UBR3: variants seen among roughly 807,000 people sequenced by gnomAD.
The protein encoded by UBR3 is E3 ubiquitin-protein ligase UBR3.
In UBR3, 85 loss-of-function variants were observed where a neutral mutation model predicts 243.2. The ratio of observed to expected loss-of-function variants is 0.35; its 90% CI spans 0.29 to 0.42. The LOEUF is 0.42. UBR3 is among the 10% of genes least tolerant of loss of function. UBR3 has a pLI of 1.00. For synonymous variants in UBR3, 748 were observed against 799.8 expected, an observed-to-expected ratio of 0.94 and a Z score of 1.09; for missense variants, 1,686 against 2,300.8, an observed-to-expected ratio of 0.73 and a Z score of 5.47.
At chr2:170,022,501 G>A (rs988822634) in intron 30 of UBR3, among the ~76,000 whole-genome samples, 2 of 152,120 alleles carry the variant, frequency 1.3e-5, no homozygotes, top group African/African-American at 4.8e-5. Flanking sequence ...GTGCTGGAAG[G>A]AACACCGGGT....
intron 36 of UBR3, chr2:170,077,590 G>T (rs778505110): frequency 2.7e-5 from 14 of 522,764 alleles, no homozygotes; most frequent in Non-Finnish European, 4.4e-5. Context: ...TCTCTTTCCT[G>T]TTGGAATAAC....
intron 24 of UBR3, among the ~76,000 whole-genome samples, chr2:169,979,649 G>A (rs901814811): frequency 3.3e-5 from 5 of 152,180 alleles, no homozygotes; most frequent in African/African-American, 7.2e-5. Flanking sequence ...TAGCCAATCT[G>A]AAAATATTAC....
intron 9 of UBR3, among the ~76,000 whole-genome samples, chr2:169,905,740 G>A (rs549413410): frequency 6.6e-5 from 10 of 152,248 alleles, no homozygotes; most frequent in Middle Eastern, 3.4e-3. Context: ...TTCGTAACAC[G>A]TAAAGCTTTC....
intron 1 of UBR3, among the ~76,000 whole-genome samples, chr2:169,833,095 A>G (rs1251268894): frequency 6.6e-6 from 1 of 152,198 alleles, no homozygotes; most frequent in Non-Finnish European, 1.5e-5. Context: ...AATGCTGCTT[A>G]TATGAAAAGT....
At position 169,925,765 on chromosome 2, in the gene UBR3, T is replaced by G. The variant is rs2085886777; in HGVS notation, c.2151+18T>G. ...TGTTACAGGTAAGCCAGCTAGATAATGCAGATATACTTTAGAAGTGTCTCA... is the reference window on the plus strand; with the variant it reads ...TGTTACAGGTAAGCCAGCTAGATAAGGCAGATATACTTTAGAAGTGTCTCA... On this transcript the variant is annotated intron_variant, in intron 14 of 38. Transcript: ENST00000272793. The G allele has an allele frequency of 1.3e-6, 2 of 1,538,554 alleles. No individual in the cohort carries two copies. Among genetic ancestry groups the G allele is most frequent in the Admixed American group, 2.1e-5 (1 of 48,494 alleles).
chr2:169,921,248 T>A (rs1357300505), intron 11 of UBR3, among the ~76,000 whole-genome samples: 5 of 152,140 alleles, frequency 3.3e-5, no homozygotes, highest in Non-Finnish European at 7.4e-5. Context: ...GTATTGCTGT[T>A]CAGTAGACAC....
chr2:169,984,055 T>C (rs1420223033), intron 24 of UBR3, among the ~76,000 whole-genome samples: 1 of 152,206 alleles, frequency 6.6e-6, no homozygotes, highest in East Asian at 1.9e-4. Context: ...CATCTTTTAT[T>C]CATTTAATTT....
At chr2:169,957,595 G>A (rs975785141) in intron 23 of UBR3, among the ~76,000 whole-genome samples, 1 of 150,946 alleles carries the variant, frequency 6.6e-6, no homozygotes, top group Non-Finnish European at 1.5e-5. Flanking sequence ...AAAGCATTAG[G>A]AGATATACCT....
chr2:169,888,178 G>A lies in UBR3; in HGVS notation c.1039-2987G>A, dbSNP rs537289576. Among the ~76,000 whole-genome samples the A allele has an allele frequency of 5.5e-5, 8 of 146,104 alleles. 1 individual carries two copies. The highest frequency in any genetic ancestry group is 9.0e-5 in the Non-Finnish European group (6 of 66,774). On this transcript the variant is annotated intron_variant, in intron 5 of 38. Coordinates refer to ENST00000272793, the MANE Select transcript of UBR3 (RefSeq NM_172070.4). ...ATTTTTGAGATGGAGTCTCTTTGTC[G>A]CCCAGGCTGGAGTGCAGTGGCACGA... is the stretch of plus-strand genomic sequence containing the variant.
chr2:169,827,596 C>T lies in UBR3; in HGVS notation c.89C>T (p.Ala30Val). 1 of 1,254,560 alleles carries T rather than the reference C, an allele frequency of 8.0e-7. No homozygotes were observed. The highest frequency in any genetic ancestry group is 3.3e-5 in the South Asian group (1 of 30,748). 77.7% of individuals were successfully genotyped at this position (1,254,560 alleles called of 1,614,324 possible). Residue 30 changes from alanine to valine, a missense_variant, in exon 1 of 39, where the codon GCC becomes GTC. By Grantham distance (64) the Ala-to-Val change is moderately conservative (BLOSUM62 0). Around this residue, in one of 8 missense-constraint regions of UBR3, gnomAD observed 79 missense variants for 73.2 expected, o/e 1.08. Coordinates refer to ENST00000272793, the MANE Select transcript of UBR3 (RefSeq NM_172070.4). ...PAPGLALDKA[A>V]TAAHLKAALS... Reference sequence around the variant, plus strand: ...CCGGGGCTGGCCCTAGACAAGGCGGCCACCGCCGCGCACCTCAAGGCGGCC... The same window carrying T: ...CCGGGGCTGGCCCTAGACAAGGCGGTCACCGCCGCGCACCTCAAGGCGGCC...
intron 35 of UBR3, among the ~76,000 whole-genome samples, chr2:170,069,021 A>C (rs1416518217): frequency 6.6e-6 from 1 of 152,208 alleles, no homozygotes; most frequent in African/African-American, 2.4e-5. Context: ...TATACCAACA[A>C]AGATAACATT....
rs2091923446 is a variant in UBR3 at position 170,082,546 on chromosome 2, G to A, written c.*703G>A. 1 of 140,322 alleles carries A rather than the reference G, an allele frequency of 7.1e-6. No individual in the cohort carries two copies. Among genetic ancestry groups the A allele is most frequent in the Non-Finnish European group, 1.5e-5 (1 of 65,252 alleles). 8.7% of individuals were successfully genotyped at this position (140,322 alleles called of 1,614,324 possible). A position where few individuals can be genotyped will look rare whatever the true frequency, so the allele number is the denominator to read the frequency against. The stretch of plus-strand genomic sequence containing the variant: ...ACAGTACATTTTGGGGGGCATATGT[G>A]TGGTTGGGGGGTCCTTAAAAATCAA... On this transcript the variant is annotated 3_prime_UTR_variant, in exon 39 of 39. Coordinates refer to ENST00000272793, the MANE Select transcript of UBR3 (RefSeq NM_172070.4).
chr2:169,952,586 T>G (rs561478716), intron 23 of UBR3, among the ~76,000 whole-genome samples: 1 of 152,098 alleles, frequency 6.6e-6, no homozygotes, highest in African/African-American at 2.4e-5. Context: ...TCCCAGCTAC[T>G]AGGGAGGCTG....
chr2:170,019,918 G>C (rs62172025), intron 30 of UBR3, among the ~76,000 whole-genome samples: 65,984 of 151,722 alleles, frequency 0.43, 15,448 homozygotes, highest in Non-Finnish European at 0.54. Flanking sequence ...TAGGACAGCA[G>C]ACACACACCA....
intron 10 of UBR3, among the ~76,000 whole-genome samples, chr2:169,910,471 T>C (rs1445341185): frequency 6.6e-6 from 1 of 152,138 alleles, no homozygotes; most frequent in Non-Finnish European, 1.5e-5. Flanking sequence ...TCTTTGATAA[T>C]GAAAAATCAT....
At chr2:170,074,933 A>C (rs2091773073) in intron 36 of UBR3, among the ~76,000 whole-genome samples, 1 of 152,190 alleles carries the variant, frequency 6.6e-6, no homozygotes, top group African/African-American at 2.4e-5. Context: ...TTTGTAGAAC[A>C]ATTAAGTTGT....
intron 23 of UBR3, among the ~76,000 whole-genome samples, chr2:169,950,563 A>G (rs2086975647): frequency 6.6e-6 from 1 of 151,902 alleles, no homozygotes; most frequent in South Asian, 2.1e-4. Context: ...TAGGTTGCTT[A>G]TAATTTGTTG....
intron 5 of UBR3, among the ~76,000 whole-genome samples, chr2:169,886,626 G>A (rs1401503059): frequency 2.0e-5 from 3 of 152,076 alleles, no homozygotes; most frequent in African/African-American, 7.2e-5. Context: ...CTCATTTAGT[G>A]CACAGTGATG....
At chr2:170,078,687 A>G (rs1259305805) in intron 36 of UBR3, among the ~76,000 whole-genome samples, 2 of 152,214 alleles carry the variant, frequency 1.3e-5, no homozygotes, top group Non-Finnish European at 1.5e-5. Context: ...AGTGAATTCC[A>G]TGGACATCCA....
Sources: allele counts gnomAD v4.1 joint callset (sites outside exome capture counted in the v4.1 genomes callset), GRCh38; gene constraint gnomAD v4.1.1; regional missense constraint gnomAD v4.1.1; transcripts MANE v1.5; gene names NCBI Gene and HGNC (gene_info 2026-07-23, HGNC 2026-07-21).